Variants in GPHN observed in about 807,000 individuals in gnomAD.
The protein encoded by GPHN is gephyrin.
Under a neutral mutation model 95.5 loss-of-function variants are expected in GPHN, and 17 were observed. The observed-to-expected ratio is 0.18, with a 90% CI of 0.12 to 0.27. GPHN has a LOEUF of 0.27. Ranked by LOEUF, GPHN falls within the 10% of genes least tolerant of loss-of-function variation. The pLI is 1.00. For missense variants in GPHN, 660 were observed against 978.1 expected, an observed-to-expected ratio of 0.67 and a Z score of 4.34; for synonymous variants, 320 against 322.5, an observed-to-expected ratio of 0.99 and a Z score of 0.08.
At chr14:66,606,264 C>T (rs1196071829) in intron 1 of GPHN, among the ~76,000 whole-genome samples, 2 of 152,104 alleles carry the variant, frequency 1.3e-5, no homozygotes, top group African/African-American at 4.8e-5. Flanking sequence ...TTCCTCATTG[C>T]TTCCTTTTGT....
chr14:66,525,524 T>G (rs973033142), intron 1 of GPHN, among the ~76,000 whole-genome samples: 8 of 152,220 alleles, frequency 5.3e-5, no homozygotes, highest in African/African-American at 1.9e-4. Context: ...ATTTTGGCTT[T>G]TGTTGCCATT....
At chr14:67,319,547 TAGA>T in the GPHN span, among the ~76,000 whole-genome samples, 11 of 151,116 alleles carry the variant, frequency 7.3e-5, no homozygotes, top group South Asian at 8.3e-4. Flanking sequence ...TGGGCCACAT[TAGA>T]AGAAGAATAG....
At chr14:66,797,826 G>C (rs542991775) in intron 3 of GPHN, among the ~76,000 whole-genome samples, 3 of 151,776 alleles carry the variant, frequency 2.0e-5, no homozygotes, top group East Asian at 1.9e-4. Context: ...TATTTCTCTT[G>C]TCTGACTGGT....
intron 2 of GPHN, among the ~76,000 whole-genome samples, chr14:66,767,284 G>T (rs1353518964): frequency 6.6e-6 from 1 of 151,862 alleles, no homozygotes; most frequent in Non-Finnish European, 1.5e-5. Flanking sequence ...ACAATGGGCT[G>T]TCCTTCCCCT....
intron 9 of GPHN, among the ~76,000 whole-genome samples, chr14:67,010,302 G>A (rs976647752): frequency 6.6e-6 from 1 of 151,482 alleles, no homozygotes; most frequent in East Asian, 2.0e-4. Context: ...TGTAATCCCA[G>A]CACTCTGGGA....
chr14:67,674,112 C>T, the GPHN span, among the ~76,000 whole-genome samples: 2 of 152,172 alleles, frequency 1.3e-5, no homozygotes, highest in African/African-American at 2.4e-5. Flanking sequence ...ATGCAAAAGC[C>T]CCTCTGCTCT....
intron 3 of GPHN, among the ~76,000 whole-genome samples, chr14:66,821,185 AGAT>A (rs1776925447): frequency 6.6e-6 from 1 of 152,202 alleles, no homozygotes; most frequent in Non-Finnish European, 1.5e-5. Context: ...AACTAAGCTA[AGAT>A]AAATTACTAA....
chr14:67,117,165 C>T (rs1228087513), intron 16 of GPHN, among the ~76,000 whole-genome samples: 1 of 152,146 alleles, frequency 6.6e-6, no homozygotes, highest in Non-Finnish European at 1.5e-5. Context: ...AGTGGGAAAG[C>T]CTTAAATGCA....
chr14:67,413,418 A>T, the GPHN span, among the ~76,000 whole-genome samples: 2 of 152,176 alleles, frequency 1.3e-5, no homozygotes, highest in African/African-American at 4.8e-5. Flanking sequence ...TTTGTGCTCC[A>T]GTTTGAAGGG....
chr14:66,852,242 A>C (rs940174885), intron 4 of GPHN, among the ~76,000 whole-genome samples: 1 of 152,240 alleles, frequency 6.6e-6, no homozygotes, highest in Non-Finnish European at 1.5e-5. Flanking sequence ...AGTCTAGACT[A>C]AAGGTTAATA....
chr14:67,197,789 C>T, the GPHN span, among the ~76,000 whole-genome samples: 2 of 152,080 alleles, frequency 1.3e-5, no homozygotes, highest in Non-Finnish European at 2.9e-5. Flanking sequence ...TGAGAGACCT[C>T]CTAGAGAAGC....
At chr14:67,289,900 A>T in the GPHN span, among the ~76,000 whole-genome samples, 1 of 151,104 alleles carries the variant, frequency 6.6e-6, no homozygotes, top group African/African-American at 2.4e-5. Flanking sequence ...CCTCTCGAGT[A>T]GCTGGGACTA....
At chr14:67,018,892 C>T (rs1338173173) in intron 9 of GPHN, among the ~76,000 whole-genome samples, 1 of 152,054 alleles carries the variant, frequency 6.6e-6, no homozygotes, top group Non-Finnish European at 1.5e-5. Flanking sequence ...ACCAAAGCCA[C>T]ATTAAAGGGA....
At chr14:66,666,721 G>A (rs1288953234) in intron 1 of GPHN, among the ~76,000 whole-genome samples, 2 of 152,092 alleles carry the variant, frequency 1.3e-5, no homozygotes, top group Admixed American at 6.5e-5. Context: ...CTTGAAAACC[G>A]GCACAAGACA....
chr14:66,809,085 A>G (rs1374163818), intron 3 of GPHN, among the ~76,000 whole-genome samples: 1 of 152,204 alleles, frequency 6.6e-6, no homozygotes, highest in African/African-American at 2.4e-5. Flanking sequence ...GGTCGGGGGC[A>G]TAGTTTCTAA....
the GPHN span, among the ~76,000 whole-genome samples, chr14:67,731,211 T>C: frequency 2.3e-4 from 31 of 133,516 alleles, no homozygotes; most frequent in East Asian, 8.5e-4. Context: ...TTCTTTCTTT[T>C]TTTTTTTTTT....
chr14:67,562,735 T>A, the GPHN span: 1 of 1,613,548 alleles, frequency 6.2e-7, no homozygotes, highest in African/African-American at 1.3e-5. Context: ...AGTCCCGAGC[T>A]AGGTCCCGGG....
the GPHN span, chr14:67,292,723 T>G: frequency 6.2e-7 from 1 of 1,611,510 alleles, no homozygotes; most frequent in South Asian, 1.1e-5. Context: ...TCAAGAGGTA[T>G]GTATTCTAAA....
chr14:66,530,930 CTG>C (rs1249455938), intron 1 of GPHN, among the ~76,000 whole-genome samples: 6 of 150,604 alleles, frequency 4.0e-5, no homozygotes, highest in Admixed American at 6.6e-5. Flanking sequence ...ACTCAGCCCA[CTG>C]TTTTCTTGTT....
Sources: gnomAD v4.1 joint callset for allele counts (sites outside exome capture counted in the v4.1 genomes callset) on GRCh38, gnomAD v4.1.1 for gene constraint, MANE v1.5 for transcripts, NCBI Gene and HGNC (gene_info 2026-07-23, HGNC 2026-07-21) for gene names.